ZNF775: variants seen among roughly 807,000 people sequenced by gnomAD.
ZNF775 encodes the protein zinc finger protein 775.
Under a neutral mutation model 2.4 loss-of-function variants are expected in ZNF775, and 1 was observed. The ratio of observed to expected loss-of-function variants is 0.41; its 90% CI spans 0.15 to 1.94. ZNF775 has a LOEUF of 1.94. Ranked by LOEUF, ZNF775 falls within the 30% of genes most tolerant of loss-of-function variation. The pLI is 0.30. For missense variants in ZNF775, 823 were observed against 826.6 expected, an observed-to-expected ratio of 1.00 and a Z score of 0.05; for synonymous variants, 381 against 373.3, an observed-to-expected ratio of 1.02 and a Z score of -0.24.
intron 1 of ZNF775, 107 bp from the exon 2 acceptor site, chr7:150,388,315 T>G (rs1462905034): frequency 1.2e-6 from 1 of 814,660 alleles, no homozygotes; most frequent in East Asian, 2.7e-5. Context: ...ATAGAAAAGC[T>G]CTTTGGAAAA....
In ZNF775 at chr7:150,392,545, A is replaced by ATCTCTCTCTCTC. The variant is rs56067146; in HGVS notation, c.32-3938_32-3927dup. Reference sequence around the variant, plus strand: ...TTTATTTTCTTTTTTTCCCAAATGGATCTCTCTCTCTCTCTCTCTCTCTCT... The same window carrying ATCTCTCTCTCTC: ...TTTATTTTCTTTTTTTCCCAAATGGATCTCTCTCTCTCTCTCTCTCTCTCTCTCTCTCTCTCT... On this transcript the variant is annotated intron_variant, in intron 2 of 2. Coordinates refer to ENST00000329630, the MANE Select transcript of ZNF775 (RefSeq NM_173680.4). Among the ~76,000 whole-genome samples the ATCTCTCTCTCTC allele has an allele frequency of 2.1e-3, 282 of 136,624 alleles. 7 individuals carry two copies. Among genetic ancestry groups the ATCTCTCTCTCTC allele is most frequent in the African/African-American group, 7.8e-3 (261 of 33,596 alleles). 89.6% of individuals were successfully genotyped at this position (136,624 alleles called of 152,430 possible).
In ZNF775 at chr7:150,397,256, T is replaced by C. The variant is rs1211590113; in HGVS notation, c.775T>C (p.Trp259Arg). ...EWAWLGLCQGWWGQPGARAAV... is the reference protein window; with the variant it reads ...EWAWLGLCQGRWGQPGARAAV... Reference sequence around the variant, plus strand: ...GGCCTGGCTGGGGCTCTGCCAGGGCTGGTGGGGCCAGCCCGGGGCCCGGGC... The same window carrying C: ...GGCCTGGCTGGGGCTCTGCCAGGGCCGGTGGGGCCAGCCCGGGGCCCGGGC... Residue 259 changes from tryptophan to arginine, a missense_variant, in exon 3 of 3, where the codon TGG becomes CGG. Coordinates refer to ENST00000329630, the MANE Select transcript of ZNF775 (RefSeq NM_173680.4). 1.1e-5 allele frequency: 15 copies of C among 1,343,940 alleles called. No homozygotes were observed. Among genetic ancestry groups the C allele is most frequent in the Non-Finnish European group, 1.2e-5 (13 of 1,047,712 alleles). 83.3% of individuals were successfully genotyped at this position (1,343,940 alleles called of 1,614,324 possible). A position where few individuals can be genotyped will look rare whatever the true frequency, so the allele number is the denominator to read the frequency against.
chr7:150,389,082 G>A (rs1286400141), intron 2 of ZNF775, among the ~76,000 whole-genome samples: 3 of 152,238 alleles, frequency 2.0e-5, no homozygotes, highest in Non-Finnish European at 2.9e-5. Flanking sequence ...AGCCCCTGGC[G>A]TCTGTGTGTA....
intron 2 of ZNF775, among the ~76,000 whole-genome samples, chr7:150,388,973 G>A (rs1307368665): frequency 6.6e-6 from 1 of 152,254 alleles, no homozygotes; most frequent in Non-Finnish European, 1.5e-5. Context: ...CTTAGAGCTG[G>A]TTGTGATGAA....
chr7:150,381,583 A>G (rs942180615), intron 1 of ZNF775, among the ~76,000 whole-genome samples: 2 of 130,704 alleles, frequency 1.5e-5, no homozygotes, highest in African/African-American at 5.9e-5. Flanking sequence ...CCCACTTGAT[A>G]TAACAATTCT....
chr7:150,383,472 G>A (rs1261623772), intron 1 of ZNF775, among the ~76,000 whole-genome samples: 2 of 152,238 alleles, frequency 1.3e-5, no homozygotes, highest in South Asian at 4.1e-4. Flanking sequence ...GACTGGGTGA[G>A]GACATAGCAG....
intron 2 of ZNF775, among the ~76,000 whole-genome samples, chr7:150,395,200 T>G (rs1240036904): frequency 6.6e-6 from 1 of 152,194 alleles, no homozygotes; most frequent in Non-Finnish European, 1.5e-5. Context: ...AATCTTCTAT[T>G]TCATATAGAT....
intron 1 of ZNF775, 142 bp downstream of exon 1, chr7:150,379,534 G>A (rs1438631289): frequency 6.6e-6 from 1 of 152,106 alleles, no homozygotes; most frequent in African/African-American, 2.4e-5. Context: ...GGATGGGGCG[G>A]GGGCCTGGGG....
chr7:150,394,460 G>T (rs768936403), intron 2 of ZNF775, among the ~76,000 whole-genome samples: 1 of 152,082 alleles, frequency 6.6e-6, no homozygotes, highest in Admixed American at 6.5e-5. Flanking sequence ...CCTCTGCCTT[G>T]GCTAGTTCCT....
chr7:150,391,786 A>G (rs1800564575), intron 2 of ZNF775, among the ~76,000 whole-genome samples: 1 of 133,964 alleles, frequency 7.5e-6, no homozygotes, highest in Non-Finnish European at 1.5e-5. Context: ...ATATCAGCTC[A>G]CTGCAACCTC....
rs1243029510 is a variant in ZNF775, at chr7:150,384,872, G to A, written c.-49-3550G>A. On this transcript the variant is annotated intron_variant, in intron 1 of 2. Transcript: ENST00000329630. This position sits in a 1 kb window ranked among gnomAD's most constrained non-coding sequence, Gnocchi z 4.1. The stretch of plus-strand genomic sequence containing the variant: ...CCTAATACCTCTTGGGAGGCAGGGT[G>A]GGTGAAGTAGGACTGTCTTTGATTT... Among the ~76,000 whole-genome samples, 1 of 152,130 alleles carries A rather than the reference G, an allele frequency of 6.6e-6. No individual in the cohort carries two copies. The highest frequency in any genetic ancestry group is 2.4e-5 in the African/African-American group (1 of 41,414).
chr7:150,387,789 A>G (rs1053446361), intron 1 of ZNF775, among the ~76,000 whole-genome samples: 8 of 150,218 alleles, frequency 5.3e-5, no homozygotes, highest in Non-Finnish European at 5.9e-5. Context: ...CAGCCTGGGC[A>G]ACAGAGCGAG....
chr7:150,387,295 C>CAAAAAAAA (rs550286754), intron 1 of ZNF775, among the ~76,000 whole-genome samples: 2 of 102,920 alleles, frequency 1.9e-5, no homozygotes, highest in African/African-American at 3.9e-5. Flanking sequence ...GACTCTGTCT[C>CAAAAAAAA]AAAAAAAAAA....
Position 150,397,775 on chromosome 7 carries a change from C to T in ZNF775, c.1294C>T (p.Arg432Trp), listed in dbSNP as rs759668166. 32 of 1,534,532 alleles carry T rather than the reference C, an allele frequency of 2.1e-5. No homozygotes were observed. In the African/African-American group the frequency reaches 2.6e-4, roughly 13 times the overall value. The change falls in exon 3 of 3, where the codon CGG becomes TGG. Residue 432 changes from arginine (R) to tryptophan (W), a missense_variant. Physicochemically the swap from Arg to Trp is moderately radical, Grantham distance 101 (BLOSUM62 -3). Coordinates refer to ENST00000329630, the MANE Select transcript of ZNF775 (RefSeq NM_173680.4). ...SPGARDTLWG[R>W]GQAGLAGPGE... ...GGGGGCCCGGGACACGCTGTGGGGC[C>T]GGGGACAAGCGGGCCTCGCTGGGCC... is the stretch of plus-strand genomic sequence containing the variant.
At chr7:150,390,644 T>A (rs759724512) in intron 2 of ZNF775, among the ~76,000 whole-genome samples, 6 of 152,250 alleles carry the variant, frequency 3.9e-5, no homozygotes, top group Non-Finnish European at 7.3e-5. Context: ...TCTTTTCCAT[T>A]CTTTTTACTT....
intron 1 of ZNF775, among the ~76,000 whole-genome samples, chr7:150,381,739 A>G (rs372658058): frequency 6.6e-6 from 1 of 152,084 alleles, no homozygotes; most frequent in African/African-American, 2.4e-5. Flanking sequence ...TTTTTCCACT[A>G]TGGCCTGTTC....
At chr7:150,389,982 A>T (rs543799957) in intron 2 of ZNF775, among the ~76,000 whole-genome samples, 1 of 151,542 alleles carries the variant, frequency 6.6e-6, no homozygotes, top group South Asian at 2.1e-4. Flanking sequence ...GTTCAGTGGC[A>T]TCAGTACATT....
intron 2 of ZNF775, among the ~76,000 whole-genome samples, chr7:150,389,361 T>A (rs1279117680): frequency 1.3e-5 from 2 of 152,166 alleles, no homozygotes; most frequent in Non-Finnish European, 2.9e-5. Flanking sequence ...GACCCAAGAC[T>A]GAGACAAAAA....
In ZNF775 at chr7:150,397,021, G is replaced by C; in HGVS notation, c.540G>C (p.Lys180Asn). 6.3e-7 allele frequency: 1 copy of C among 1,598,876 alleles called. No homozygotes were observed. The highest frequency in any genetic ancestry group is 8.5e-7 in the Non-Finnish European group (1 of 1,178,806). ...TCAGCCAGAAGCAGCACCTGCTCAA[G>C]CACCAGAAGACCCACTCCCGGCCCG... is the stretch of plus-strand genomic sequence containing the variant. ...RRFSQKQHLL[K>N]HQKTHSRPAT... The change falls in exon 3 of 3, where the codon AAG (lysine) becomes AAC (asparagine). Residue 180 changes from lysine to asparagine, a missense_variant. Transcript: ENST00000329630.
Sources: allele counts gnomAD v4.1 joint callset (sites outside exome capture counted in the v4.1 genomes callset), GRCh38; gene constraint gnomAD v4.1.1; non-coding constraint Gnocchi (gnomAD v3.1); transcripts MANE v1.5; gene names NCBI Gene and HGNC (gene_info 2026-07-23, HGNC 2026-07-21).